The following UBE2D2 variants were observed in gnomAD, a reference collection of about 807,000 sequenced individuals.
The protein encoded by UBE2D2 is ubiquitin-conjugating enzyme E2 D2.
Under a neutral mutation model 24.2 loss-of-function variants are expected in UBE2D2, and 2 were observed. The ratio of observed to expected loss-of-function variants is 0.08; its 90% CI spans 0.03 to 0.26. The LOEUF is 0.26. Ranked by LOEUF, UBE2D2 falls within the 10% of genes least tolerant of loss-of-function variation. The pLI, the probability that UBE2D2 is intolerant of heterozygous loss-of-function variation, is 1.00. For synonymous variants in UBE2D2, 58 were observed against 56.5 expected (o/e 1.03, Z -0.12); for missense variants, 44 against 177.6 (o/e 0.25, Z 4.28).
intron 1 of UBE2D2, among the ~76,000 whole-genome samples, chr5:139,567,525 C>T (rs1484028597): frequency 5.0e-4 from 65 of 129,162 alleles, no homozygotes; most frequent in Non-Finnish European, 1.6e-4. Context: ...AGCCAATTTG[C>T]TAAGTTTTTT....
At position 139,590,976 on chromosome 5, in the gene UBE2D2, TAG is replaced by T. The variant is rs545955939; in HGVS notation, c.25-9391_25-9390del. On this transcript the variant is annotated intron_variant, in intron 1 of 6. Coordinates refer to ENST00000398733, the MANE Select transcript of UBE2D2 (RefSeq NM_003339.3). ...TGCCCAGCTAATTATGCATTTTTAG[TAG>T]AGAGGGGGGCGTTTCTCCATGCTGG... 9.2e-5 allele frequency among the ~76,000 whole-genome samples: 14 copies of T among 151,502 alleles called. 1 individual carries two copies. In the East Asian group the frequency reaches 1.9e-3, roughly 21 times the overall value.
intron 1 of UBE2D2, among the ~76,000 whole-genome samples, chr5:139,593,055 G>T (rs1473615804): frequency 5.4e-5 from 8 of 147,692 alleles, no homozygotes; most frequent in Admixed American, 3.4e-4. Context: ...GAGTGCAGTG[G>T]TGTGATCTCG....
intron 1 of UBE2D2, among the ~76,000 whole-genome samples, chr5:139,579,539 C>G (rs892379694): frequency 2.6e-5 from 4 of 152,128 alleles, no homozygotes; most frequent in African/African-American, 9.7e-5. Flanking sequence ...ATCCGCCCAC[C>G]TTGGCCTCCC....
intron 5 of UBE2D2, among the ~76,000 whole-genome samples, chr5:139,618,497 G>C (rs1754459758): frequency 6.6e-6 from 1 of 152,142 alleles, no homozygotes; most frequent in Admixed American, 6.5e-5. Context: ...GCCTGGCCTG[G>C]TGAGGGTCCC....
At chr5:139,598,578 T>TG (rs1451187147) in intron 1 of UBE2D2, among the ~76,000 whole-genome samples, 3 of 146,948 alleles carry the variant, frequency 2.0e-5, no homozygotes, top group African/African-American at 5.0e-5. Context: ...TTTTTTTTTT[T>TG]GAGATGGAGT....
intron 5 of UBE2D2, among the ~76,000 whole-genome samples, chr5:139,622,798 G>A (rs1044902110): frequency 6.6e-6 from 1 of 151,888 alleles, no homozygotes; most frequent in Non-Finnish European, 1.5e-5. Context: ...GCTGAAGCAG[G>A]AGAATGGTGT....
chr5:139,589,946 G>A (rs539194329), intron 1 of UBE2D2, among the ~76,000 whole-genome samples: 192 of 152,004 alleles, frequency 1.3e-3, no homozygotes, highest in African/African-American at 4.4e-3. Flanking sequence ...CACCACACCC[G>A]GCTAATTTTT....
intron 6 of UBE2D2, 68 bp from the exon 7 acceptor site, chr5:139,626,688 A>G: frequency 7.6e-7 from 1 of 1,310,610 alleles, no homozygotes; most frequent in South Asian, 1.2e-5. Flanking sequence ...TTGATGGGAT[A>G]ATGAATGGAA....
chr5:139,590,277 A>G (rs898936909), intron 1 of UBE2D2, among the ~76,000 whole-genome samples: 7 of 152,070 alleles, frequency 4.6e-5, no homozygotes, highest in Non-Finnish European at 7.4e-5. Context: ...TCTACTAACA[A>G]TACAAAAAAT....
intron 1 of UBE2D2, among the ~76,000 whole-genome samples, chr5:139,549,423 CG>C (rs1344762714): frequency 6.6e-6 from 1 of 152,202 alleles, no homozygotes; most frequent in African/African-American, 2.4e-5. Context: ...GGGGTCTTGG[CG>C]GCCCCGCACT....
intron 1 of UBE2D2, among the ~76,000 whole-genome samples, chr5:139,562,939 A>G (rs1753142513): frequency 6.6e-6 from 1 of 152,088 alleles, no homozygotes; most frequent in African/African-American, 2.4e-5. Flanking sequence ...TTTTTCTTCA[A>G]TACATCTTTT....
chr5:139,548,193 A>AAAAAAAAAAAAAAAAT lies in UBE2D2; in HGVS notation c.-64+21584_-64+21585insAAAAAAAAAAAATAAA. Among the ~76,000 whole-genome samples, 59 of 47,066 alleles carry AAAAAAAAAAAAAAAAT rather than the reference A, an allele frequency of 1.3e-3. 1 individual carries two copies. Among genetic ancestry groups the AAAAAAAAAAAAAAAAT allele is most frequent in the Non-Finnish European group, 1.6e-3 (41 of 26,340 alleles). The allele number at this position is 47,066 out of a possible 152,430, so 30.9% of individuals were successfully genotyped here. On this transcript the variant is annotated intron_variant, in intron 1 of 6. Coordinates refer to the UBE2D2 transcript ENST00000511725. ...AAAAAAAAAAAAAAAATAAAAAAAA[A>AAAAAAAAAAAAAAAAT]AAATAAATAAATAAATAAATAAACG...
chr5:139,587,540 G>A lies in UBE2D2; in HGVS notation c.25-12832G>A, dbSNP rs551577257. ...CTAAAAATAAAAAAAATAGCCGGGC[G>A]TGGTGGCGGGCACCACCAGCAACTT... On this transcript the variant is annotated intron_variant, in intron 1 of 6. Transcript: ENST00000398733. Among the ~76,000 whole-genome samples the A allele has an allele frequency of 1.4e-4, 21 of 152,034 alleles. No individual in the cohort carries two copies. The East Asian group carries it at 2.3e-3, about 17-fold the overall frequency.
At chr5:139,550,618 A>G (rs572976942) in intron 1 of UBE2D2, among the ~76,000 whole-genome samples, 102 of 151,976 alleles carry the variant, frequency 6.7e-4, no homozygotes, top group Non-Finnish European at 1.4e-3. Flanking sequence ...GCTGCTGCTC[A>G]TTCTTTGGGT....
upstream of UBE2D2, among the ~76,000 whole-genome samples, chr5:139,559,202 G>A (rs193025222): frequency 2.0e-5 from 3 of 152,022 alleles, no homozygotes; most frequent in Admixed American, 6.6e-5. Context: ...CGAGGCGGGC[G>A]GATCACGAGG....
intron 1 of UBE2D2, among the ~76,000 whole-genome samples, chr5:139,547,450 G>A (rs1219453600): frequency 6.6e-6 from 1 of 151,900 alleles, no homozygotes; most frequent in Non-Finnish European, 1.5e-5. Flanking sequence ...TCTTGACCTC[G>A]TGATCCACCC....
chr5:139,584,264 A>G (rs554101586), intron 1 of UBE2D2, among the ~76,000 whole-genome samples: 10 of 152,310 alleles, frequency 6.6e-5, no homozygotes, highest in Admixed American at 6.5e-4. Context: ...CAGCACAGTA[A>G]TATGCTGTAT....
intron 2 of UBE2D2, among the ~76,000 whole-genome samples, chr5:139,608,034 T>G (rs989893560): frequency 1.3e-5 from 2 of 151,496 alleles, no homozygotes; most frequent in Non-Finnish European, 2.9e-5. Context: ...AAAAAAAAAC[T>G]TAAATATACA....
chr5:139,594,155 G>A (rs2033886537), intron 1 of UBE2D2, among the ~76,000 whole-genome samples: 1 of 152,040 alleles, frequency 6.6e-6, no homozygotes, highest in Admixed American at 6.6e-5. Context: ...TTTTTATTTT[G>A]TTTCATAATT....
Sources: gnomAD v4.1 joint callset for allele counts (sites outside exome capture counted in the v4.1 genomes callset) on GRCh38, gnomAD v4.1.1 for gene constraint, MANE v1.5 for transcripts, NCBI Gene and HGNC (gene_info 2026-07-23, HGNC 2026-07-21) for gene names.